Variants in TMPRSS15 observed in about 807,000 individuals in gnomAD.
The protein encoded by TMPRSS15 is transmembrane serine protease 15.
Under a neutral mutation model 125.3 loss-of-function variants are expected in TMPRSS15, and 128 were observed. That is an observed-to-expected ratio of 1.02 (90% CI 0.89 to 1.18). The LOEUF (loss-of-function observed/expected upper bound fraction) is 1.18. TMPRSS15 is among the 50% of genes most tolerant of loss of function. TMPRSS15 has a pLI of 0.00. For synonymous variants in TMPRSS15, 446 were observed against 423.2 expected, an observed-to-expected ratio of 1.05 and a Z score of -0.66; for missense variants, 1,283 against 1,212.7, an observed-to-expected ratio of 1.06 and a Z score of -0.86.
chr21:18,430,180 T>C lies in TMPRSS15; in HGVS notation c.11-31851A>G, dbSNP rs1203914047. 3.3e-5 allele frequency among the ~76,000 whole-genome samples: 5 copies of C among 152,202 alleles called. No homozygotes were observed. The East Asian group carries it at 9.6e-4, about 29-fold the overall frequency. On this transcript the variant is annotated intron_variant, in intron 1 of 7. Transcript: ENST00000422787. The stretch of plus-strand genomic sequence containing the variant: ...AAATTTGGGGTCACAAAAAAGTCAC[T>C]GTTAGATGTGTATCAATGCTGGTGA...
chr21:18,311,049 A>G (rs1490693654), intron 18 of TMPRSS15, among the ~76,000 whole-genome samples: 1 of 151,888 alleles, frequency 6.6e-6, no homozygotes, highest in African/African-American at 2.4e-5. Flanking sequence ...GTATGAAACT[A>G]GACCCTTATC....
At chr21:18,483,205 C>T (rs961310722) in intron 1 of TMPRSS15, among the ~76,000 whole-genome samples, 2 of 151,686 alleles carry the variant, frequency 1.3e-5, no homozygotes, top group African/African-American at 4.8e-5. Context: ...TTTTCCTTTG[C>T]TTCTTTTAGT....
intron 19 of TMPRSS15, among the ~76,000 whole-genome samples, chr21:18,296,147 C>T (rs754317118): frequency 6.6e-6 from 1 of 151,852 alleles, no homozygotes; most frequent in Non-Finnish European, 1.5e-5. Flanking sequence ...AGCGAGACTC[C>T]GTCTCAAAAA....
intron 20 of TMPRSS15, 35 bp from the exon 21 acceptor site, chr21:18,294,479 A>G: frequency 1.2e-6 from 2 of 1,613,506 alleles, no homozygotes; most frequent in Non-Finnish European, 1.7e-6. Flanking sequence ...CATCTATTTC[A>G]TTTTTGGCAT....
chr21:18,353,701 C>A, intron 9 of TMPRSS15, 22 bp downstream of exon 9: 2 of 1,602,390 alleles, frequency 1.2e-6, no homozygotes, highest in Non-Finnish European at 1.7e-6. Context: ...AATTAAAAAG[C>A]CAAAAAATAA....
At chr21:18,308,983 A>G (rs559805603) in intron 18 of TMPRSS15, among the ~76,000 whole-genome samples, 3 of 152,282 alleles carry the variant, frequency 2.0e-5, no homozygotes, top group East Asian at 1.9e-4. Context: ...TTCTTTATCC[A>G]GTCTATCACT....
At chr21:18,433,547 TAGAC>T (rs2076220910) in intron 1 of TMPRSS15, among the ~76,000 whole-genome samples, 1 of 149,450 alleles carries the variant, frequency 6.7e-6, no homozygotes, top group Admixed American at 6.8e-5. Flanking sequence ...ACAAAAGAAT[TAGAC>T]AGGCATGGTG....
chr21:18,293,042 T>A (rs2074857704), intron 21 of TMPRSS15, among the ~76,000 whole-genome samples: 1 of 152,168 alleles, frequency 6.6e-6, no homozygotes, highest in South Asian at 2.1e-4. Context: ...ACCAGCTATT[T>A]GGCAAACCTG....
Position 18,369,652 on chromosome 21 carries a change from A to AAG in TMPRSS15, c.664+2539_664+2540dup, listed in dbSNP as rs149977840. ...GGAGCAAAAAAATAAATAAATCAAT[A>AAG]AGAGAGAGAGAGAGAGTAAAGGTAA... On this transcript the variant is annotated intron_variant, in intron 6 of 24. Transcript: ENST00000284885. Among the ~76,000 whole-genome samples, 617 of 151,210 alleles carry AAG rather than the reference A, an allele frequency of 4.1e-3. 3 individuals carry two copies. Among genetic ancestry groups the AAG allele is most frequent in the African/African-American group, 0.014 (582 of 41,288 alleles).
In TMPRSS15 at chr21:18,445,272, C is replaced by G. The variant is rs1352283508; in HGVS notation, c.10+40527G>C. 2.0e-5 allele frequency among the ~76,000 whole-genome samples: 3 copies of G among 150,464 alleles called. No homozygotes were observed. The East Asian group carries it at 5.9e-4, about 29-fold the overall frequency. ...CAGACTGGAGTGCAACTTTTGCCTCCTGGGTTCAAGTGATTACCCTGCCTC... is the reference window on the plus strand; with the variant it reads ...CAGACTGGAGTGCAACTTTTGCCTCGTGGGTTCAAGTGATTACCCTGCCTC... On this transcript the variant is annotated intron_variant, in intron 1 of 7. Transcript: ENST00000422787.
intron 13 of TMPRSS15, among the ~76,000 whole-genome samples, chr21:18,337,192 C>A (rs1375706103): frequency 6.6e-6 from 1 of 152,082 alleles, no homozygotes; most frequent in African/African-American, 2.4e-5. Flanking sequence ...CTGCACCCGG[C>A]CATGCCAAAT....
intron 1 of TMPRSS15, among the ~76,000 whole-genome samples, chr21:18,443,362 G>T (rs2076247293): frequency 6.6e-6 from 1 of 152,118 alleles, no homozygotes; most frequent in African/African-American, 2.4e-5. Flanking sequence ...GCCTGTCTGG[G>T]TTCAGCATGG....
At chr21:18,402,639 G>C (rs1302938279) in intron 1 of TMPRSS15, among the ~76,000 whole-genome samples, 2 of 151,762 alleles carry the variant, frequency 1.3e-5, no homozygotes, top group African/African-American at 2.4e-5. Flanking sequence ...TTAATACGTA[G>C]GTTATTGCTA....
chr21:18,333,644 C>T (rs2075365306), intron 13 of TMPRSS15, among the ~76,000 whole-genome samples: 2 of 152,022 alleles, frequency 1.3e-5, no homozygotes, highest in Non-Finnish European at 2.9e-5. Flanking sequence ...ACTTCATTTG[C>T]TTAATAAATG....
At chr21:18,403,338 A>G (rs1341323911) in intron 1 of TMPRSS15, 140 bp downstream of exon 1, 4 of 1,106,828 alleles carry the variant, frequency 3.6e-6, no homozygotes, top group Middle Eastern at 2.0e-4. Flanking sequence ...TGTCATGAAG[A>G]TTAATTTGAA....
chr21:18,478,335 A>G lies in TMPRSS15; in HGVS notation c.10+7464T>C, dbSNP rs572898157. Reference sequence around the variant, plus strand: ...GCTGTTCGTCCCTTGCTTTAATTTTAATCCTTCTCTATTCTAGCCTCTAGG... The same window carrying G: ...GCTGTTCGTCCCTTGCTTTAATTTTGATCCTTCTCTATTCTAGCCTCTAGG... On this transcript the variant is annotated intron_variant, in intron 1 of 7. Transcript: ENST00000422787. Among the ~76,000 whole-genome samples, 3 of 152,062 alleles carry G rather than the reference A, an allele frequency of 2.0e-5. No homozygotes were observed. In the East Asian group the frequency reaches 5.8e-4, roughly 29 times the overall value.
At chr21:18,439,614 T>G (rs2076236504) in intron 1 of TMPRSS15, among the ~76,000 whole-genome samples, 1 of 152,130 alleles carries the variant, frequency 6.6e-6, no homozygotes, top group South Asian at 2.1e-4. Flanking sequence ...GGGTTTTGAA[T>G]GTGGGAGTGT....
chr21:18,380,077 G>A (rs1809999186), intron 4 of TMPRSS15, among the ~76,000 whole-genome samples: 1 of 151,558 alleles, frequency 6.6e-6, no homozygotes, highest in African/African-American at 2.4e-5. Flanking sequence ...TATTCTGAAA[G>A]TGGTCTTTCT....
At chr21:18,412,985 T>G (rs1195131071) in intron 1 of TMPRSS15, among the ~76,000 whole-genome samples, 1 of 152,178 alleles carries the variant, frequency 6.6e-6, no homozygotes, top group Non-Finnish European at 1.5e-5. Context: ...GTGGTGGTGA[T>G]CATTCTCTAT....
Sources: allele counts gnomAD v4.1 joint callset (sites outside exome capture counted in the v4.1 genomes callset), GRCh38; gene constraint gnomAD v4.1.1; transcripts MANE v1.5; gene names NCBI Gene and HGNC (gene_info 2026-07-23, HGNC 2026-07-21).